Variants in VSTM1 observed in about 807,000 individuals in gnomAD.
VSTM1 encodes the protein V-set and transmembrane domain containing 1, also known as V-set and transmembrane domain-containing protein 1.
VSTM1 carries 27 observed loss-of-function variants against 33.1 expected under a neutral mutation model. The observed-to-expected ratio is 0.82, with a 90% CI of 0.60 to 1.12. The LOEUF is 1.12. Ranked by LOEUF, VSTM1 falls within the 50% of genes most tolerant of loss-of-function variation. VSTM1 has a pLI of 0.00. For synonymous variants in VSTM1, 115 were observed against 110.3 expected (o/e 1.04, Z -0.27); for missense variants, 304 against 288.9 (o/e 1.05, Z -0.38).
intron 4 of VSTM1, among the ~76,000 whole-genome samples, chr19:54,046,722 G>A (rs1056500108): frequency 6.6e-6 from 1 of 151,908 alleles, no homozygotes; most frequent in Non-Finnish European, 1.5e-5. Flanking sequence ...GAATTTACAT[G>A]CCCGGGACAA....
intron 6 of VSTM1, 97 bp from the exon 7 acceptor site, chr19:54,042,050 G>A: frequency 6.2e-7 from 1 of 1,602,576 alleles, no homozygotes. Context: ...GAAGGGAGAG[G>A]AGGAAGGTCA....
At position 54,058,347 on chromosome 19, in the gene VSTM1, T is replaced by C; in HGVS notation, c.314A>G (p.Glu105Gly). The stretch of plus-strand genomic sequence containing the variant: ...CAAGTGTTCACTGCTTTCTGACCAC[T>C]CATGGGAGGCTGTTGTCTTGTAGGC... ...FCAYKTTASH[E>G]WSESSEHLQL... The change falls in exon 3 of 9, where the codon GAG (glutamate) becomes GGG (glycine). Residue 105 changes from glutamate to glycine, a missense_variant. Coordinates refer to ENST00000338372, the MANE Select transcript of VSTM1 (RefSeq NM_198481.4). 6.2e-7 allele frequency: 1 copy of C among 1,613,726 alleles called. No individual in the cohort carries two copies. Among genetic ancestry groups the C allele is most frequent in the Non-Finnish European group, 8.5e-7 (1 of 1,179,856 alleles).
chr19:54,061,016 C>CTTTTTTTTTTTTTTT (rs10693760), intron 1 of VSTM1, among the ~76,000 whole-genome samples: 1 of 115,028 alleles, frequency 8.7e-6, no homozygotes, highest in Non-Finnish European at 1.7e-5. Context: ...TTTTTCTTTT[C>CTTTTTTTTTTTTTTT]TTTTTTTTTT....
rs140658580 is a variant in VSTM1 at position 54,062,918 on chromosome 19, T to C, written c.34+826A>G. 2.5e-3 allele frequency among the ~76,000 whole-genome samples: 385 copies of C among 151,750 alleles called. 1 individual carries two copies. Among genetic ancestry groups the C allele is most frequent in the Middle Eastern group, 0.014 (4 of 294 alleles). The stretch of plus-strand genomic sequence containing the variant: ...GAGCTCTGCTGGGTCAAGCCTAGAG[T>C]TTCTATGTAGTAAAGCCGAGATTAT... On this transcript the variant is annotated intron_variant, in intron 1 of 8. Coordinates refer to ENST00000338372, the MANE Select transcript of VSTM1 (RefSeq NM_198481.4).
At position 54,052,169 on chromosome 19, in the gene VSTM1, C is replaced by G. The variant is rs530180051; in HGVS notation, c.356-721G>C. Among the ~76,000 whole-genome samples, 3 of 151,234 alleles carry G rather than the reference C, an allele frequency of 2.0e-5. No homozygotes were observed. In the East Asian group the frequency reaches 5.9e-4, roughly 30 times the overall value. On this transcript the variant is annotated intron_variant, in intron 3 of 8. Transcript: ENST00000338372. ...ATCCCAGCACTTTGGGAGGCCGAGGCGGGCAGATCACAAGGTCAGGAGATC... is the reference window on the plus strand; with the variant it reads ...ATCCCAGCACTTTGGGAGGCCGAGGGGGGCAGATCACAAGGTCAGGAGATC...
rs1306939022 is a variant in VSTM1 at position 54,042,374 on chromosome 19, A to AG, written c.395-6dup. The AG allele has an allele frequency of 5.6e-6, 9 of 1,612,748 alleles. No individual in the cohort carries two copies. The highest frequency in any genetic ancestry group is 5.0e-5 in the Admixed American group (3 of 59,902). ...CGACAAAGATGGTTCTGGTGTCTGGAGGGGGAAGAGCAGGTCAGGGAATCA... is the reference window on the plus strand; with the variant it reads ...CGACAAAGATGGTTCTGGTGTCTGGAGGGGGGAAGAGCAGGTCAGGGAATCA... On this transcript the variant is annotated splice_polypyrimidine_tract_variant and splice_region_variant and intron_variant, in intron 4 of 8. Transcript: ENST00000338372.
chr19:54,044,759 A>G (rs2070486340), intron 4 of VSTM1, among the ~76,000 whole-genome samples: 1 of 152,168 alleles, frequency 6.6e-6, no homozygotes, highest in African/African-American at 2.4e-5. Flanking sequence ...GACTCCTGGG[A>G]TTACAGCAAG....
chr19:54,059,063 T>C (rs149642122), intron 1 of VSTM1, among the ~76,000 whole-genome samples: 4,284 of 145,838 alleles, frequency 0.029, 76 homozygotes, highest in Middle Eastern at 0.072. Context: ...TTCTTTCTTT[T>C]TTTTTTTTTT....
chr19:54,062,297 C>T (rs2071431135), intron 1 of VSTM1, among the ~76,000 whole-genome samples: 1 of 152,198 alleles, frequency 6.6e-6, no homozygotes, highest in Non-Finnish European at 1.5e-5. Flanking sequence ...TAAAGCAATT[C>T]TAATTCCTTT....
intron 6 of VSTM1, 87 bp downstream of exon 6, chr19:54,042,082 C>A (rs1013273305): frequency 9.9e-6 from 16 of 1,608,184 alleles, no homozygotes; most frequent in Non-Finnish European, 1.3e-5. Context: ...GGGGTGGGGG[C>A]TCAGGGTGCC....
At chr19:54,049,988 T>A (rs7255795) in intron 4 of VSTM1, among the ~76,000 whole-genome samples, 27,940 of 146,786 alleles carry the variant, frequency 0.19, 3,401 homozygotes, top group African/African-American at 0.34. Flanking sequence ...CTCTAACTTT[T>A]TAATTTTTTT....
chr19:54,058,997 T>C (rs891010578), intron 1 of VSTM1, among the ~76,000 whole-genome samples: 2 of 149,592 alleles, frequency 1.3e-5, no homozygotes, highest in African/African-American at 4.9e-5. Flanking sequence ...CTCTTACTTT[T>C]GTTCCATTGT....
intron 1 of VSTM1, among the ~76,000 whole-genome samples, chr19:54,059,075 T>C (rs1397781334): frequency 8.1e-5 from 12 of 148,128 alleles, no homozygotes; most frequent in Non-Finnish European, 1.0e-4. Context: ...TTTTTTTTTT[T>C]TTTGAAATGT....
intron 1 of VSTM1, among the ~76,000 whole-genome samples, chr19:54,061,333 A>C (rs138993248): frequency 2.0e-5 from 3 of 152,186 alleles, no homozygotes; most frequent in African/African-American, 7.2e-5. Flanking sequence ...GTGTTTCTTG[A>C]AAAGAGAAGT....
At chr19:54,052,050 T>A (rs2070865060) in intron 3 of VSTM1, among the ~76,000 whole-genome samples, 1 of 152,026 alleles carries the variant, frequency 6.6e-6, no homozygotes, top group South Asian at 2.1e-4. Flanking sequence ...CATGAGCCAC[T>A]GCACCTGGCC....
chr19:54,058,941 AT>A (rs1410144281), intron 1 of VSTM1, among the ~76,000 whole-genome samples: 1 of 148,162 alleles, frequency 6.7e-6, no homozygotes, highest in Non-Finnish European at 1.5e-5. Flanking sequence ...AAATATATGT[AT>A]TACATATATG....
At chr19:54,061,579 A>T (rs547665198) in intron 1 of VSTM1, among the ~76,000 whole-genome samples, 13 of 152,278 alleles carry the variant, frequency 8.5e-5, no homozygotes, top group Admixed American at 2.6e-4. Flanking sequence ...TTGGGATGCC[A>T]AGATAGGAGA....
chr19:54,047,301 A>T (rs1024889941), intron 4 of VSTM1, among the ~76,000 whole-genome samples: 1 of 148,322 alleles, frequency 6.7e-6, no homozygotes, highest in African/African-American at 2.5e-5. Flanking sequence ...AAAAGCAACA[A>T]TTTTTTTTTT....
intron 4 of VSTM1, among the ~76,000 whole-genome samples, chr19:54,045,657 CCTA>C (rs1464416470): frequency 1.3e-5 from 2 of 152,024 alleles, no homozygotes; most frequent in Admixed American, 1.3e-4. Context: ...TGTCTATTCA[CCTA>C]CTATTATCTA....
Sources: gnomAD v4.1 joint callset for allele counts (sites outside exome capture counted in the v4.1 genomes callset) on GRCh38, gnomAD v4.1.1 for gene constraint, MANE v1.5 for transcripts, NCBI Gene and HGNC (gene_info 2026-07-23, HGNC 2026-07-21) for gene names.